Variants in IKBKE observed in about 807,000 individuals in gnomAD.
IKBKE encodes the protein inhibitor of nuclear factor kappa-B kinase subunit epsilon.
Under a neutral mutation model 92.1 loss-of-function variants are expected in IKBKE, and 45 were observed. The ratio of observed to expected loss-of-function variants is 0.49; its 90% CI spans 0.38 to 0.63. The LOEUF (loss-of-function observed/expected upper bound fraction) is 0.63, where lower values mean the gene tolerates loss of function less well. Among genes scored for constraint, IKBKE ranks in the 20% least tolerant of loss-of-function variants. IKBKE has a pLI of 0.00. For missense variants in IKBKE, 700 were observed against 932.8 expected (o/e 0.75, Z 3.25); for synonymous variants, 374 against 380.3 (o/e 0.98, Z 0.19).
rs1339859715 is a variant in IKBKE, at chr1:206,478,233, G to A, written c.886G>A (p.Asp296Asn). The A allele has an allele frequency of 2.5e-6, 4 of 1,614,040 alleles. No individual in the cohort carries two copies. The highest frequency in any genetic ancestry group is 1.3e-5 in the African/African-American group (1 of 74,932). Reference sequence around the variant, plus strand: ...GGAGCAGGCCAAGTGCTGGGGCTTCGACCAGTTCTTTGCGGAGACCAGTGA... The same window carrying A: ...GGAGCAGGCCAAGTGCTGGGGCTTCAACCAGTTCTTTGCGGAGACCAGTGA... ...EVEQAKCWGFDQFFAETSDIL... is the reference protein window; with the variant it reads ...EVEQAKCWGFNQFFAETSDIL... Residue 296 changes from aspartate (D) to asparagine (N), a missense_variant, in exon 9 of 22, where the codon GAC becomes AAC. Asp to Asn is a conservative substitution (Grantham distance 23, BLOSUM62 1). Coordinates refer to ENST00000581977, the MANE Select transcript of IKBKE (RefSeq NM_014002.4). The surrounding 1 kb of genome is among the most constrained non-coding windows in gnomAD (Gnocchi z 4.8).
intron 13 of IKBKE, among the ~76,000 whole-genome samples, chr1:206,481,077 G>A (rs1314777090): frequency 6.6e-6 from 1 of 152,184 alleles, no homozygotes; most frequent in Middle Eastern, 3.2e-3. Flanking sequence ...AAGGGGGGAT[G>A]GGTTGGAAAA....
chr1:206,496,094 C>T lies in IKBKE; in HGVS notation c.2118-18C>T. ...TCTCCAACAGGTGGGCACTGCTAGCCTGTACCTTTTCTTGTAGGCTAAATA... is the reference window on the plus strand; with the variant it reads ...TCTCCAACAGGTGGGCACTGCTAGCTTGTACCTTTTCTTGTAGGCTAAATA... On this transcript the variant is annotated intron_variant, in intron 21 of 21. Transcript: ENST00000581977. The T allele has an allele frequency of 6.2e-7, 1 of 1,612,016 alleles. No individual in the cohort carries two copies. Among genetic ancestry groups the T allele is most frequent in the South Asian group, 1.1e-5 (1 of 91,040 alleles).
intron 5 of IKBKE, 145 bp downstream of exon 5, chr1:206,475,139 C>A: frequency 6.0e-6 from 5 of 827,218 alleles, no homozygotes; most frequent in South Asian, 1.9e-5. Flanking sequence ...GATTGTACAC[C>A]AATGTTCACA....
chr1:206,474,723 G>A (rs1695554161), intron 4 of IKBKE, 142 bp from the exon 5 acceptor site: 2 of 991,764 alleles, frequency 2.0e-6, no homozygotes, highest in African/African-American at 3.2e-5. Context: ...TGCGGGATCA[G>A]TGTGAGGCCA....
rs1222679130 is a variant in IKBKE, at chr1:206,494,124, A to G, written c.2117+133A>G. ...TCCATTTTCGAAGAAGCCCTGTTGAAGCTTAGGCATTTTCCACAAATGAGT... is the reference window on the plus strand; with the variant it reads ...TCCATTTTCGAAGAAGCCCTGTTGAGGCTTAGGCATTTTCCACAAATGAGT... On this transcript the variant is annotated intron_variant, in intron 21 of 21. Coordinates refer to ENST00000581977, the MANE Select transcript of IKBKE (RefSeq NM_014002.4). The G allele has an allele frequency of 1.2e-5, 8 of 689,180 alleles. No homozygotes were observed. The African/African-American group carries it at 1.4e-4, about 12-fold the overall frequency. The allele number at this position is 689,180 out of a possible 1,614,324, so 42.7% of individuals were successfully genotyped here.
In IKBKE at chr1:206,487,510, C is replaced by T. The variant is rs187408317; in HGVS notation, c.1617-404C>T. On this transcript the variant is annotated intron_variant, in intron 15 of 21. Transcript: ENST00000581977. The surrounding 1 kb of genome is among the most constrained non-coding windows in gnomAD (Gnocchi z 5.3). ...CCAGTTGACCAGAGAGAGATTTTAG[C>T]TCCCCTCTATCCCCAGCTGTCACTG... is the stretch of plus-strand genomic sequence containing the variant. Among the ~76,000 whole-genome samples, 264 of 152,300 alleles carry T rather than the reference C, an allele frequency of 1.7e-3. No individual in the cohort carries two copies. The highest frequency in any genetic ancestry group is 0.01 in the Middle Eastern group (3 of 294).
chr1:206,471,813 T>C (rs1245764542), intron 2 of IKBKE, among the ~76,000 whole-genome samples: 4 of 152,186 alleles, frequency 2.6e-5, no homozygotes, highest in Non-Finnish European at 5.9e-5. Flanking sequence ...TTATCAAGGA[T>C]TTGCATTTTT....
chr1:206,492,591 G>GC, intron 18 of IKBKE: 2 of 472,718 alleles, frequency 4.2e-6, no homozygotes, highest in South Asian at 3.1e-5. Flanking sequence ...ACAGCTCTGG[G>GC]CCTTGGGGAA....
Position 206,487,203 on chromosome 1 carries a change from G to T in IKBKE, c.1617-711G>T, listed in dbSNP as rs1339095782. Among the ~76,000 whole-genome samples, 9 of 152,320 alleles carry T rather than the reference G, an allele frequency of 5.9e-5. No individual in the cohort carries two copies. Among genetic ancestry groups the T allele is most frequent in the Admixed American group, 5.9e-4 (9 of 15,306 alleles). ...GCAGGGAGGAAGTGGAGCTACATAG[G>T]CCTGTGGGTGAGGAAGAACTTTTCC... On this transcript the variant is annotated intron_variant, in intron 15 of 21. Transcript: ENST00000581977. The surrounding 1 kb of genome is among the most constrained non-coding windows in gnomAD (Gnocchi z 5.3).
chr1:206,479,718 G>C, intron 10 of IKBKE, 152 bp from the exon 11 acceptor site: 1 of 816,952 alleles, frequency 1.2e-6, no homozygotes, highest in South Asian at 1.6e-5. Flanking sequence ...TTTAAGTGTG[G>C]CTAAGGCTGG....
intron 18 of IKBKE, chr1:206,491,968 G>GGT (rs1665969587): frequency 2.2e-6 from 1 of 450,876 alleles, no homozygotes; most frequent in Non-Finnish European, 4.1e-6. Context: ...CTATACAGTA[G>GGT]ATATCATCAC....
chr1:206,471,794 G>T (rs1664790352), intron 2 of IKBKE, among the ~76,000 whole-genome samples: 1 of 152,230 alleles, frequency 6.6e-6, no homozygotes, highest in Admixed American at 6.5e-5. Flanking sequence ...CTGGCTCAAT[G>T]AAATGACATT....
chr1:206,473,391 C>T (rs575672392), intron 3 of IKBKE, 77 bp downstream of exon 3: 20 of 1,041,118 alleles, frequency 1.9e-5, no homozygotes, highest in Admixed American at 2.3e-5. Flanking sequence ...CCCAGTCAGC[C>T]CCCAGTGGGC....
chr1:206,480,748 G>T (rs1429806371), intron 13 of IKBKE, among the ~76,000 whole-genome samples: 2 of 152,174 alleles, frequency 1.3e-5, no homozygotes, highest in Non-Finnish European at 2.9e-5. Flanking sequence ...CACCTGCAGG[G>T]GAAGGGGCCC....
chr1:206,479,660 G>A (rs1307458757), intron 10 of IKBKE, among the ~76,000 whole-genome samples: 1 of 152,198 alleles, frequency 6.6e-6, no homozygotes, highest in Non-Finnish European at 1.5e-5. Flanking sequence ...TGGACATGAG[G>A]AGGTAGTTCT....
intron 17 of IKBKE, 159 bp downstream of exon 17, chr1:206,491,017 G>A (rs1164452936): frequency 2.8e-5 from 19 of 687,884 alleles, no homozygotes; most frequent in Admixed American, 1.9e-4. Context: ...AGGGGAGGGA[G>A]TATGCATAGC....
chr1:206,489,249 T>G lies in IKBKE; in HGVS notation c.1693+1259T>G, dbSNP rs1665809559. On this transcript the variant is annotated intron_variant, in intron 16 of 21. Coordinates refer to ENST00000581977, the MANE Select transcript of IKBKE (RefSeq NM_014002.4). ...TATATATAATTCATATATATATTAT[T>G]CACATATATATATTATTCATATATA... Among the ~76,000 whole-genome samples the G allele has an allele frequency of 3.4e-5, 5 of 147,448 alleles. No homozygotes were observed. The Admixed American group carries it at 3.4e-4, about 10-fold the overall frequency.
intron 13 of IKBKE, 141 bp downstream of exon 13, chr1:206,480,674 G>A (rs1195032012): frequency 2.5e-5 from 17 of 675,182 alleles, no homozygotes; most frequent in South Asian, 6.7e-5. Flanking sequence ...GAGGGCACCC[G>A]CACCCTATCC....
rs1664876222 is a variant in IKBKE, at chr1:206,473,243, A to C, written c.16A>C (p.Asn6His). The C allele has an allele frequency of 6.2e-7, 1 of 1,612,964 alleles. No homozygotes were observed. Among genetic ancestry groups the C allele is most frequent in the Middle Eastern group, 1.7e-4 (1 of 6,060 alleles). The change falls in exon 3 of 22, where the codon AAT becomes CAT. Residue 6 changes from asparagine (N) to histidine (H), a missense_variant. Coordinates refer to ENST00000581977, the MANE Select transcript of IKBKE (RefSeq NM_014002.4). ...AGGGCAGGAGATGCAGAGCACAGCC[A>C]ATTACCTGTGGCACACAGATGACCT... MQSTA[N>H]YLWHTDDLLG...
Sources: allele counts gnomAD v4.1 joint callset (sites outside exome capture counted in the v4.1 genomes callset), GRCh38; gene constraint gnomAD v4.1.1; non-coding constraint Gnocchi (gnomAD v3.1); transcripts MANE v1.5; gene names NCBI Gene and HGNC (gene_info 2026-07-23, HGNC 2026-07-21).